DEPDC4: variants seen among roughly 807,000 people sequenced by gnomAD.
DEPDC4 encodes DEP domain containing 4, also known as DEP domain-containing protein 4.
DEPDC4 carries 52 observed loss-of-function variants against 52.0 expected under a neutral mutation model. That is an observed-to-expected ratio of 1.00 (90% CI 0.80 to 1.26). The LOEUF (loss-of-function observed/expected upper bound fraction) is 1.26. DEPDC4 is among the 50% of genes most tolerant of loss of function. The probability of loss-of-function intolerance (pLI) is 0.00; values close to 1 mark genes in which losing one functional copy is unlikely to be tolerated. For synonymous variants in DEPDC4, 201 were observed against 196.8 expected (o/e 1.02, Z -0.18); for missense variants, 530 against 546.9 (o/e 0.97, Z 0.31).
chr12:100,243,400 A>G (rs1322446077), intron 8 of DEPDC4, among the ~76,000 whole-genome samples: 3 of 152,274 alleles, frequency 2.0e-5, no homozygotes, highest in African/African-American at 7.2e-5. Context: ...CATGTCATCC[A>G]TTCAGTGCTC....
chr12:100,262,963 T>C (rs903659465), intron 2 of DEPDC4, among the ~76,000 whole-genome samples: 1 of 152,176 alleles, frequency 6.6e-6, no homozygotes, highest in African/African-American at 2.4e-5. Flanking sequence ...TCCCATAAAA[T>C]TCACTTTTTT....
In DEPDC4 at chr12:100,266,952, CG is replaced by C; in HGVS notation, c.124del (p.Arg42ValfsTer36). ...PGLNGPSSRN[R>X]RDGFCRKRRT... is the part of the protein sequence containing the mutation. ...CCTTTTCCGGCAGAAGCCATCTCTA[CG>C]GTTCCTGGAACTTGGCCCGTTCAGC... On this transcript the variant is annotated frameshift_variant, in exon 1 of 10. Transcript: ENST00000550587. LOFTEE classifies it high-confidence loss of function. 2 of 1,613,846 alleles carry C rather than the reference CG, an allele frequency of 1.2e-6. No homozygotes were observed. Among genetic ancestry groups the C allele is most frequent in the Non-Finnish European group, 1.7e-6 (2 of 1,179,856 alleles).
chr12:100,249,040 A>G (rs1233924705), intron 7 of DEPDC4, 62 bp from the exon 8 acceptor site: 4 of 673,062 alleles, frequency 5.9e-6, no homozygotes, highest in Non-Finnish European at 7.4e-6. Context: ...GCATTTCAAC[A>G]TAGAAAGAAA....
At chr12:100,251,458 T>C (rs927235345) in intron 7 of DEPDC4, among the ~76,000 whole-genome samples, 1 of 152,170 alleles carries the variant, frequency 6.6e-6, no homozygotes, top group African/African-American at 2.4e-5. Flanking sequence ...TCTCACTCTG[T>C]CACCCAGGCT....
At chr12:100,236,516 T>A (rs2096141631), downstream of DEPDC4, among the ~76,000 whole-genome samples, 1 of 152,172 alleles carries the variant, frequency 6.6e-6, no homozygotes, top group Non-Finnish European at 1.5e-5. Flanking sequence ...ATTCATGTCC[T>A]TAGCCCACTT....
At chr12:100,247,865 T>C (rs2096192372) in intron 8 of DEPDC4, among the ~76,000 whole-genome samples, 2 of 152,192 alleles carry the variant, frequency 1.3e-5, no homozygotes, top group Admixed American at 6.5e-5. Context: ...GTAAATGTTC[T>C]TTCCAACAAT....
At chr12:100,231,994 A>G (rs2096135458) in intron 9 of DEPDC4, among the ~76,000 whole-genome samples, 1 of 152,210 alleles carries the variant, frequency 6.6e-6, no homozygotes, top group African/African-American at 2.4e-5. Context: ...TTCATTTTTA[A>G]CTTTCGAAGT....
upstream of DEPDC4, among the ~76,000 whole-genome samples, chr12:100,270,955 A>G (rs772396054): frequency 6.6e-6 from 1 of 151,434 alleles, no homozygotes; most frequent in Non-Finnish European, 1.5e-5. Flanking sequence ...TCAGTTTTTT[A>G]TGTTCGTTTT....
At chr12:100,271,756 A>T (rs2096287913), upstream of DEPDC4, among the ~76,000 whole-genome samples, 1 of 151,992 alleles carries the variant, frequency 6.6e-6, no homozygotes, top group Admixed American at 6.5e-5. Context: ...ATTCTGCTTT[A>T]TAATATTTTA....
At chr12:100,253,837 TA>T (rs1324098752) in intron 4 of DEPDC4, 122 bp from the exon 5 acceptor site, 2 of 449,322 alleles carry the variant, frequency 4.5e-6, no homozygotes, top group Admixed American at 3.9e-5. Context: ...AAGAAGAAAT[TA>T]TTTTTTGGGA....
At chr12:100,281,350 T>C in the DEPDC4 span, among the ~76,000 whole-genome samples, 2 of 152,168 alleles carry the variant, frequency 1.3e-5, no homozygotes, top group South Asian at 2.1e-4. Flanking sequence ...AATGATTTCA[T>C]AGTTGAATGT....
At chr12:100,246,630 A>G (rs2096186585) in intron 8 of DEPDC4, among the ~76,000 whole-genome samples, 1 of 152,180 alleles carries the variant, frequency 6.6e-6, no homozygotes, top group African/African-American at 2.4e-5. Context: ...ATTTTAAATC[A>G]ATACTCATGA....
At chr12:100,275,637 ATTCT>A in the DEPDC4 span, among the ~76,000 whole-genome samples, 1 of 152,162 alleles carries the variant, frequency 6.6e-6, no homozygotes, top group Non-Finnish European at 1.5e-5. Flanking sequence ...AATAAATTGT[ATTCT>A]TTCTTTGCAG....
In DEPDC4 at chr12:100,256,799, G is replaced by A. The variant is rs1015680282; in HGVS notation, c.701-573C>T. On this transcript the variant is annotated intron_variant, in intron 3 of 9. Coordinates refer to ENST00000550587, the MANE Select transcript of DEPDC4 (RefSeq NM_001364818.2). The stretch of plus-strand genomic sequence containing the variant: ...TGGGACTACAGGCGCCCACCACCAT[G>A]CCCGGCTAATTTTTCGTGTTTTTAG... Among the ~76,000 whole-genome samples, 7 of 151,918 alleles carry A rather than the reference G, an allele frequency of 4.6e-5. No individual in the cohort carries two copies. In the East Asian group the frequency reaches 1.2e-3, roughly 25 times the overall value.
intron 3 of DEPDC4, 23 bp from the exon 4 acceptor site, chr12:100,256,249 T>C (rs747434030): frequency 5.8e-6 from 9 of 1,542,472 alleles, no homozygotes; most frequent in Non-Finnish European, 7.1e-6. Flanking sequence ...AGTAATGCAA[T>C]GATCAAGATT....
chr12:100,276,314 A>C, the DEPDC4 span, among the ~76,000 whole-genome samples: 9 of 151,970 alleles, frequency 5.9e-5, no homozygotes, highest in South Asian at 1.7e-3. Context: ...GTGTCTTTTA[A>C]AATTTTTATT....
At chr12:100,281,019 G>GTTTTGTTTTT in the DEPDC4 span, among the ~76,000 whole-genome samples, 8 of 50,466 alleles carry the variant, frequency 1.6e-4, no homozygotes, top group African/African-American at 5.5e-4. Context: ...TACCATCAGT[G>GTTTTGTTTTT]TTTTTTTTTT....
At chr12:100,281,681 A>G in the DEPDC4 span, among the ~76,000 whole-genome samples, 2 of 152,118 alleles carry the variant, frequency 1.3e-5, no homozygotes, top group Non-Finnish European at 2.9e-5. Flanking sequence ...GAAAATAGAA[A>G]AAATTAGCCG....
At chr12:100,281,037 T>TG in the DEPDC4 span, among the ~76,000 whole-genome samples, 1 of 137,514 alleles carries the variant, frequency 7.3e-6, no homozygotes, top group Non-Finnish European at 1.6e-5. Context: ...TTTTTTTTTT[T>TG]TTTTTTTTTT....
Sources: gnomAD v4.1 joint callset for allele counts (sites outside exome capture counted in the v4.1 genomes callset) on GRCh38, gnomAD v4.1.1 for gene constraint, MANE v1.5 for transcripts, NCBI Gene and HGNC (gene_info 2026-07-23, HGNC 2026-07-21) for gene names.